The following SMYD3 variants were observed in gnomAD, a reference collection of about 807,000 sequenced individuals.
The protein encoded by SMYD3 is SET and MYND domain containing 3, also known as histone-lysine N-methyltransferase SMYD3.
A neutral mutation model predicts 57.7 loss-of-function variants in SMYD3; 36 were observed. That is an observed-to-expected ratio of 0.62 (90% CI 0.48 to 0.82). The LOEUF (loss-of-function observed/expected upper bound fraction) is 0.82. Among genes scored for constraint, SMYD3 ranks in the 40% least tolerant of loss-of-function variants. The pLI is 0.00. For synonymous variants in SMYD3, 211 were observed against 195.0 expected, an observed-to-expected ratio of 1.08 and a Z score of -0.68; for missense variants, 515 against 538.8, an observed-to-expected ratio of 0.96 and a Z score of 0.44.
At chr1:245,795,410 C>T (rs1415385061) in intron 10 of SMYD3, among the ~76,000 whole-genome samples, 1 of 152,224 alleles carries the variant, frequency 6.6e-6, no homozygotes, top group Admixed American at 6.5e-5. Context: ...TCCCATTTCA[C>T]AGAGTACATA....
chr1:245,896,375 T>A (rs975198426), intron 8 of SMYD3, among the ~76,000 whole-genome samples: 1 of 124,304 alleles, frequency 8.0e-6, no homozygotes, highest in Non-Finnish European at 1.6e-5. Context: ...GAACCAAAAA[T>A]AGCTTTGCCA....
At chr1:246,161,558 T>A (rs2148200674) in intron 5 of SMYD3, among the ~76,000 whole-genome samples, 1 of 152,326 alleles carries the variant, frequency 6.6e-6, no homozygotes, top group Admixed American at 6.5e-5. Context: ...TCCACCTTGG[T>A]ATATCATGCT....
intron 10 of SMYD3, among the ~76,000 whole-genome samples, chr1:245,779,553 T>C (rs2046749594): frequency 6.6e-6 from 1 of 152,280 alleles, no homozygotes; most frequent in South Asian, 2.1e-4. Context: ...AATTAGATAA[T>C]CAAATCCCTA....
chr1:246,451,761 A>G (rs1413089695), intron 1 of SMYD3, among the ~76,000 whole-genome samples: 4 of 152,264 alleles, frequency 2.6e-5, no homozygotes, highest in African/African-American at 7.2e-5. Context: ...TCTCTGTGCT[A>G]CGCACTCAAT....
At chr1:246,497,440 TA>T (rs983506088) in intron 1 of SMYD3, among the ~76,000 whole-genome samples, 1 of 152,180 alleles carries the variant, frequency 6.6e-6, no homozygotes, top group Non-Finnish European at 1.5e-5. Flanking sequence ...TTTTAGTGGC[TA>T]AAAAATAAGT....
At chr1:246,389,833 A>G (rs2066529776) in intron 1 of SMYD3, among the ~76,000 whole-genome samples, 2 of 150,992 alleles carry the variant, frequency 1.3e-5, no homozygotes, top group South Asian at 4.2e-4. Flanking sequence ...CCTTGTAGAA[A>G]GCATTCATTC....
intron 5 of SMYD3, among the ~76,000 whole-genome samples, chr1:246,063,900 A>G (rs1421284928): frequency 6.6e-6 from 1 of 152,170 alleles, no homozygotes; most frequent in Non-Finnish European, 1.5e-5. Context: ...TCAACCTCCC[A>G]AAGTGCTGGG....
chr1:246,125,780 T>C (rs1242724342), intron 5 of SMYD3, among the ~76,000 whole-genome samples: 8 of 151,920 alleles, frequency 5.3e-5, no homozygotes, highest in Non-Finnish European at 7.4e-5. Context: ...CAGACAAATA[T>C]GGGCAATATG....
intron 8 of SMYD3, among the ~76,000 whole-genome samples, chr1:245,876,356 G>A (rs2052483955): frequency 6.6e-6 from 1 of 152,178 alleles, no homozygotes; most frequent in Non-Finnish European, 1.5e-5. Context: ...TTGGGGGCAG[G>A]CAGATACCGG....
At position 245,943,864 on chromosome 1, in the gene SMYD3, A is replaced by C. The variant is rs542005550; in HGVS notation, c.532-13927T>G. Among the ~76,000 whole-genome samples, 7 of 152,364 alleles carry C rather than the reference A, an allele frequency of 4.6e-5. No homozygotes were observed. The East Asian group carries it at 1.3e-3, about 29-fold the overall frequency. On this transcript the variant is annotated intron_variant, in intron 5 of 11. Coordinates refer to ENST00000490107, the MANE Select transcript of SMYD3 (RefSeq NM_001167740.2). ...GGTAAATAAATGTAATTCATCACATAAATAGAACCAGTGACAAAAACCACA... is the reference window on the plus strand; with the variant it reads ...GGTAAATAAATGTAATTCATCACATCAATAGAACCAGTGACAAAAACCACA...
At chr1:246,230,535 A>G (rs1355207417) in intron 5 of SMYD3, among the ~76,000 whole-genome samples, 2 of 152,228 alleles carry the variant, frequency 1.3e-5, no homozygotes, top group Non-Finnish European at 2.9e-5. Context: ...GGTACCACAC[A>G]GGCTAGACCT....
intron 5 of SMYD3, among the ~76,000 whole-genome samples, chr1:246,219,615 G>A (rs1335883872): frequency 4.6e-5 from 7 of 152,164 alleles, no homozygotes; most frequent in Admixed American, 3.9e-4. Flanking sequence ...GCAGAAGGCA[G>A]CTGCCTCATG....
chr1:246,327,100 T>G (rs1284719182), intron 5 of SMYD3, 101 bp downstream of exon 5: 1 of 1,451,202 alleles, frequency 6.9e-7, no homozygotes, highest in African/African-American at 1.4e-5. Flanking sequence ...TTAAGGGTCT[T>G]GAATTTCCTG....
intron 11 of SMYD3, 107 bp downstream of exon 11, chr1:245,763,934 G>C (rs2045963021): frequency 1.3e-6 from 1 of 795,080 alleles, no homozygotes; most frequent in African/African-American, 1.7e-5. Flanking sequence ...GCATGCGTGT[G>C]TATGCGTGCA....
At chr1:245,844,910 T>C (rs1439431560) in intron 10 of SMYD3, among the ~76,000 whole-genome samples, 3 of 152,096 alleles carry the variant, frequency 2.0e-5, no homozygotes, top group African/African-American at 4.8e-5. Flanking sequence ...TAAGAAAGAA[T>C]GCAGAAATTA....
At chr1:245,857,494 T>A (rs985949296) in intron 10 of SMYD3, among the ~76,000 whole-genome samples, 1 of 45,514 alleles carries the variant, frequency 2.2e-5, no homozygotes. Context: ...CTTACAGCCA[T>A]TCCCTGCCTG....
At chr1:246,198,871 G>A in intron 5 of SMYD3, among the ~76,000 whole-genome samples, 1 of 152,162 alleles carries the variant, frequency 6.6e-6, no homozygotes, top group South Asian at 2.1e-4. Context: ...TGCAATTAAT[G>A]AAACAAATGA....
intron 11 of SMYD3, among the ~76,000 whole-genome samples, chr1:245,751,811 C>T (rs537873872): frequency 7.2e-5 from 11 of 152,278 alleles, no homozygotes; most frequent in African/African-American, 2.2e-4. Context: ...CCTATTCATG[C>T]GAGCAAGTCT....
chr1:245,997,329 TC>T (rs2058950732), intron 5 of SMYD3, among the ~76,000 whole-genome samples: 1 of 152,226 alleles, frequency 6.6e-6, no homozygotes, highest in Non-Finnish European at 1.5e-5. Context: ...CATTGTGAAA[TC>T]AGAAGTACGA....
Sources: gnomAD v4.1 joint callset for allele counts (sites outside exome capture counted in the v4.1 genomes callset) on GRCh38, gnomAD v4.1.1 for gene constraint, MANE v1.5 for transcripts, NCBI Gene and HGNC (gene_info 2026-07-23, HGNC 2026-07-21) for gene names.